Variants in KLF12 observed in about 807,000 individuals in gnomAD.
KLF12 encodes the protein KLF transcription factor 12.
KLF12 carries 9 observed loss-of-function variants against 37.8 expected under a neutral mutation model. The ratio of observed to expected loss-of-function variants is 0.24; its 90% CI spans 0.14 to 0.42. KLF12 has a LOEUF of 0.42. KLF12 is among the 10% of genes least tolerant of loss of function. The pLI, the probability that KLF12 is intolerant of heterozygous loss-of-function variation, is 1.00. For synonymous variants in KLF12, 208 were observed against 202.1 expected (o/e 1.03, Z -0.25); for missense variants, 411 against 516.0 (o/e 0.80, Z 1.97).
intron 4 of KLF12, among the ~76,000 whole-genome samples, chr13:73,825,796 T>C (rs1229373346): frequency 6.6e-6 from 1 of 152,160 alleles, no homozygotes; most frequent in African/African-American, 2.4e-5. Flanking sequence ...TGACCAAAGA[T>C]GCCAGGTTAC....
intron 1 of KLF12, among the ~76,000 whole-genome samples, chr13:74,026,386 GA>G (rs1393619877): frequency 6.6e-6 from 1 of 151,980 alleles, no homozygotes; most frequent in Non-Finnish European, 1.5e-5. Context: ...CTTATATAGT[GA>G]AAAAACATCA....
At chr13:74,249,789 A>G in the KLF12 span, among the ~76,000 whole-genome samples, 1 of 152,162 alleles carries the variant, frequency 6.6e-6, no homozygotes, top group Admixed American at 6.5e-5. Context: ...ATTTTTTAAT[A>G]TATGAATATC....
intron 1 of KLF12, among the ~76,000 whole-genome samples, chr13:74,124,224 T>C (rs895280330): frequency 1.3e-5 from 2 of 152,232 alleles, no homozygotes; most frequent in South Asian, 2.1e-4. Flanking sequence ...CTAAAGTTAC[T>C]TGTATTCATA....
At chr13:73,932,035 AAAAG>A (rs1009145595) in intron 3 of KLF12, among the ~76,000 whole-genome samples, 33 of 147,272 alleles carry the variant, frequency 2.2e-4, no homozygotes, top group African/African-American at 8.7e-4. Flanking sequence ...GTTAAAAAAA[AAAAG>A]AAAAGAAATT....
At chr13:74,145,520 ACAC>A in the KLF12 span, among the ~76,000 whole-genome samples, 1 of 152,146 alleles carries the variant, frequency 6.6e-6, no homozygotes, top group Non-Finnish European at 1.5e-5. Flanking sequence ...ATCTAGACAC[ACAC>A]CATGCGTAAC....
the KLF12 span, among the ~76,000 whole-genome samples, chr13:74,143,331 A>T: frequency 1.1e-3 from 2 of 1,746 alleles, no homozygotes; most frequent in Non-Finnish European, 4.6e-3. Flanking sequence ...CTTTTTATAC[A>T]GAATTCAAAT....
At position 74,131,539 on chromosome 13, in the gene KLF12, G is replaced by T. The variant is rs185094132; in HGVS notation, c.-32+2200C>A. ...CAAATGATAGTCATTGCTGTAAAAA[G>T]AACTTCTGGGGAGTGGGAGGTGGAG... On this transcript the variant is annotated intron_variant, in intron 1 of 7. Transcript: ENST00000377669. Among the ~76,000 whole-genome samples the T allele has an allele frequency of 3.9e-5, 6 of 152,280 alleles. No homozygotes were observed. The East Asian group carries it at 9.6e-4, about 24-fold the overall frequency.
At chr13:73,897,310 T>C (rs1428918132) in intron 3 of KLF12, among the ~76,000 whole-genome samples, 1 of 152,198 alleles carries the variant, frequency 6.6e-6, no homozygotes, top group Non-Finnish European at 1.5e-5. Context: ...CTAACAGCTT[T>C]GGTAATAAAT....
At chr13:74,267,428 T>C in the KLF12 span, among the ~76,000 whole-genome samples, 831 of 152,340 alleles carry the variant, frequency 5.5e-3, 5 homozygotes, top group African/African-American at 0.019. Context: ...CTGTCGTTCA[T>C]GGCAACATGG....
chr13:74,101,486 G>A (rs1346786691), intron 1 of KLF12, among the ~76,000 whole-genome samples: 2 of 152,024 alleles, frequency 1.3e-5, no homozygotes, highest in Non-Finnish European at 2.9e-5. Context: ...CAGGATCAAT[G>A]AGCACTCAGA....
At chr13:73,867,283 G>C (rs146747581) in intron 3 of KLF12, among the ~76,000 whole-genome samples, 12 of 151,846 alleles carry the variant, frequency 7.9e-5, no homozygotes, top group Non-Finnish European at 1.5e-4. Flanking sequence ...GGTTGGTACA[G>C]TTATAGTCAT....
At chr13:74,128,737 G>A (rs1179475602) in intron 1 of KLF12, among the ~76,000 whole-genome samples, 2 of 152,142 alleles carry the variant, frequency 1.3e-5, no homozygotes, top group Non-Finnish European at 2.9e-5. Context: ...TTTAAGGCAG[G>A]GTTGTTTTTC....
intron 4 of KLF12, among the ~76,000 whole-genome samples, chr13:73,816,455 G>A (rs759603710): frequency 1.3e-5 from 2 of 152,212 alleles, no homozygotes; most frequent in African/African-American, 2.4e-5. Flanking sequence ...GCTGGTAGAG[G>A]TGTCATTCCT....
intron 7 of KLF12, among the ~76,000 whole-genome samples, chr13:73,708,170 C>A (rs542807871): frequency 6.6e-6 from 1 of 152,156 alleles, no homozygotes; most frequent in African/African-American, 2.4e-5. Context: ...CCTTAATGTA[C>A]AAAATTCAGA....
chr13:73,696,184 C>T lies in KLF12; in HGVS notation c.1028-513G>A, dbSNP rs144191278. 2.9e-4 allele frequency among the ~76,000 whole-genome samples: 44 copies of T among 151,854 alleles called. 1 individual carries two copies. The highest frequency in any genetic ancestry group is 1.0e-3 in the African/African-American group (42 of 41,364). ...ACTGAACGATAATGTACTCTACTAC[C>T]TCCAGATATCAGGTATTAAGTACAT... is the stretch of plus-strand genomic sequence containing the variant. On this transcript the variant is annotated intron_variant, in intron 7 of 7. Transcript: ENST00000377669.
chr13:74,121,331 A>T (rs535101173), intron 1 of KLF12, among the ~76,000 whole-genome samples: 2 of 152,242 alleles, frequency 1.3e-5, no homozygotes, highest in South Asian at 4.1e-4. Flanking sequence ...TTCTACACAA[A>T]GTATTCCAAA....
chr13:73,921,956 T>C (rs550812000), intron 3 of KLF12, among the ~76,000 whole-genome samples: 2 of 152,304 alleles, frequency 1.3e-5, no homozygotes, highest in South Asian at 2.1e-4. Flanking sequence ...GGGCTTTCTA[T>C]TATGTGGTTG....
chr13:74,116,231 T>G (rs1040805106), intron 1 of KLF12, among the ~76,000 whole-genome samples: 2 of 152,162 alleles, frequency 1.3e-5, no homozygotes, highest in African/African-American at 4.8e-5. Flanking sequence ...AAGGATTACT[T>G]AACACAATGC....
At position 74,023,092 on chromosome 13, in the gene KLF12, T is replaced by C. The variant is rs1456094032; in HGVS notation, c.-31-28039A>G. The stretch of plus-strand genomic sequence containing the variant: ...TCTGCTCTAGCTGCATATTCCAAGA[T>C]TCCCTTGGGAAGTTTTAAAACATAC... On this transcript the variant is annotated intron_variant, in intron 1 of 7. Transcript: ENST00000377669. Among the ~76,000 whole-genome samples, 4 of 152,158 alleles carry C rather than the reference T, an allele frequency of 2.6e-5. No homozygotes were observed. In the East Asian group the frequency reaches 5.8e-4, roughly 22 times the overall value.
Sources: gnomAD v4.1 joint callset for allele counts (sites outside exome capture counted in the v4.1 genomes callset) on GRCh38, gnomAD v4.1.1 for gene constraint, MANE v1.5 for transcripts, NCBI Gene and HGNC (gene_info 2026-07-23, HGNC 2026-07-21) for gene names.